Variants in MIER1 observed in about 807,000 individuals in gnomAD.
MIER1 encodes mesoderm induction early response protein 1.
MIER1 carries 40 observed loss-of-function variants against 75.7 expected under a neutral mutation model. The ratio of observed to expected loss-of-function variants is 0.53; its 90% CI spans 0.41 to 0.69. The LOEUF is 0.69. MIER1 is among the 30% of genes least tolerant of loss of function. The probability of loss-of-function intolerance (pLI) is 0.00; values close to 1 mark genes in which losing one functional copy is unlikely to be tolerated. For missense variants in MIER1, 574 were observed against 680.2 expected, an observed-to-expected ratio of 0.84 and a Z score of 1.74; for synonymous variants, 213 against 223.4, an observed-to-expected ratio of 0.95 and a Z score of 0.42.
chr1:66,939,128 A>G (rs1181304077), intron 2 of MIER1, among the ~76,000 whole-genome samples: 1 of 152,128 alleles, frequency 6.6e-6, no homozygotes, highest in South Asian at 2.1e-4. Context: ...GGCATGAAAT[A>G]GATACTTCTG....
chr1:66,929,928 A>G (rs944492417), intron 2 of MIER1, among the ~76,000 whole-genome samples: 3 of 152,206 alleles, frequency 2.0e-5, no homozygotes, highest in South Asian at 2.1e-4. Context: ...CATGTAAAAT[A>G]TTACGTATTT....
At chr1:66,933,147 C>T (rs928931050) in intron 2 of MIER1, among the ~76,000 whole-genome samples, 6 of 152,074 alleles carry the variant, frequency 3.9e-5, no homozygotes, top group South Asian at 4.1e-4. Flanking sequence ...TCTAAAAGGA[C>T]GCTCTCCTAG....
rs3008867 is a variant in MIER1, at chr1:66,939,963, C to T, written c.169-65C>T. The T allele has an allele frequency of 7.0e-4, 885 of 1,266,946 alleles. 3 individuals are homozygous for T. In the African/African-American group the frequency reaches 0.012, roughly 17 times the overall value. The allele number at this position is 1,266,946 out of a possible 1,614,324, so 78.5% of individuals were successfully genotyped here. The stretch of plus-strand genomic sequence containing the variant: ...CATCATAGTAGTCATTGAATAATTT[C>T]GGTAATGTTTGTGAAGATACATTAT... On this transcript the variant is annotated intron_variant, in intron 2 of 13. Coordinates refer to ENST00000401041, the MANE Select transcript of MIER1 (RefSeq NM_001077700.3).
chr1:66,934,405 C>CCT (rs1553239850), intron 2 of MIER1, among the ~76,000 whole-genome samples: 1 of 135,516 alleles, frequency 7.4e-6, no homozygotes, highest in Non-Finnish European at 1.6e-5. Flanking sequence ...TTCTTTCTTT[C>CCT]TTTTTTTTTT....
In MIER1 at chr1:66,986,233, A is replaced by G; in HGVS notation, c.*1333A>G. ...AGTGAAAATAAGATACACAATAATC[A>G]TTGCTCTGTGTGATTACAGATAGGA... is the stretch of plus-strand genomic sequence containing the variant. On this transcript the variant is annotated 3_prime_UTR_variant, in exon 14 of 14. Transcript: ENST00000401041. 3.8e-6 allele frequency: 5 copies of G among 1,322,102 alleles called. No individual in the cohort carries two copies. Among genetic ancestry groups the G allele is most frequent in the South Asian group, 2.3e-5 (1 of 43,706 alleles). 81.9% of individuals were successfully genotyped at this position (1,322,102 alleles called of 1,614,324 possible).
intron 8 of MIER1, among the ~76,000 whole-genome samples, chr1:66,964,335 A>G (rs1383841484): frequency 6.6e-6 from 1 of 151,810 alleles, no homozygotes; most frequent in Admixed American, 6.6e-5. Flanking sequence ...GGCCGCCCAT[A>G]GTGCTGGGAT....
intron 2 of MIER1, among the ~76,000 whole-genome samples, chr1:66,927,334 T>C (rs2100998434): frequency 6.6e-6 from 1 of 152,218 alleles, no homozygotes; most frequent in Non-Finnish European, 1.5e-5. Context: ...GGGACATTAA[T>C]CACAAACCTC....
At chr1:66,973,610 T>G (rs1664130922) in intron 11 of MIER1, among the ~76,000 whole-genome samples, 1 of 152,060 alleles carries the variant, frequency 6.6e-6, no homozygotes, top group Non-Finnish European at 1.5e-5. Context: ...CTTACAGATT[T>G]GTTTTGGGGC....
rs540629304 is a variant in MIER1 at position 66,968,920 on chromosome 1, G to A, written c.773-1888G>A. ...GTGAATAGGTGGGTGAATTATTTCC[G>A]AATTAGGGTTTCCTTATATGGCCTT... On this transcript the variant is annotated intron_variant, in intron 8 of 13. Coordinates refer to ENST00000401041, the MANE Select transcript of MIER1 (RefSeq NM_001077700.3). 2.8e-4 allele frequency among the ~76,000 whole-genome samples: 42 copies of A among 152,240 alleles called. 1 individual carries two copies. In the South Asian group the frequency reaches 8.3e-3, roughly 30 times the overall value.
At chr1:66,948,550 T>G (rs1055067452) in intron 4 of MIER1, among the ~76,000 whole-genome samples, 10 of 152,208 alleles carry the variant, frequency 6.6e-5, no homozygotes, top group African/African-American at 2.4e-4. Context: ...ATTTAATGTG[T>G]CAAAGGTGTA....
At chr1:66,942,693 A>G (rs899975997) in intron 3 of MIER1, among the ~76,000 whole-genome samples, 4 of 152,168 alleles carry the variant, frequency 2.6e-5, no homozygotes, top group African/African-American at 9.7e-5. Flanking sequence ...AAAAGAAGTC[A>G]GATAGAACAG....
intron 7 of MIER1, 63 bp from the exon 8 acceptor site, chr1:66,963,025 T>C (rs1661570230): frequency 8.6e-7 from 1 of 1,166,406 alleles, no homozygotes. Context: ...ATGGTAAGGC[T>C]AGAAAATGGA....
intron 4 of MIER1, among the ~76,000 whole-genome samples, chr1:66,955,516 T>C (rs771333934): frequency 6.6e-6 from 1 of 152,038 alleles, no homozygotes; most frequent in African/African-American, 2.4e-5. Context: ...GTTTGGTTGC[T>C]AATACACCTT....
intron 13 of MIER1, among the ~76,000 whole-genome samples, chr1:66,982,762 A>G (rs1252615315): frequency 6.6e-6 from 1 of 152,150 alleles, no homozygotes; most frequent in Admixed American, 6.5e-5. Flanking sequence ...TGGAGTGTAT[A>G]TGCTTAGTTC....
At position 66,988,371 on chromosome 1, in the gene MIER1, G is replaced by T. The variant is rs1667045053; in HGVS notation, c.*3471G>T. ...AGTTCATCCTTTGCAGAATCTTAAA[G>T]GGTTTTCCACACATCCATCCACCCA... On this transcript the variant is annotated 3_prime_UTR_variant, in exon 14 of 14. Coordinates refer to ENST00000401041, the MANE Select transcript of MIER1 (RefSeq NM_001077700.3). The T allele has an allele frequency of 6.6e-6, 1 of 151,958 alleles. No homozygotes were observed. The highest frequency in any genetic ancestry group is 1.5e-5 in the Non-Finnish European group (1 of 67,796). 9.4% of individuals were successfully genotyped at this position (151,958 alleles called of 1,614,324 possible). A position where few individuals can be genotyped will look rare whatever the true frequency, so the allele number is the denominator to read the frequency against.
At chr1:66,976,093 G>C (rs749019290) in intron 11 of MIER1, among the ~76,000 whole-genome samples, 1 of 151,574 alleles carries the variant, frequency 6.6e-6, no homozygotes, top group African/African-American at 2.4e-5. Context: ...CCCACCCCCT[G>C]CTGGGGTTCA....
At chr1:66,981,226 C>T (rs1422419211) in intron 12 of MIER1, among the ~76,000 whole-genome samples, 1 of 152,138 alleles carries the variant, frequency 6.6e-6, no homozygotes, top group East Asian at 1.9e-4. Flanking sequence ...AATGAGCTCA[C>T]ATACAATGAG....
chr1:66,936,400 G>A (rs1654848394), intron 2 of MIER1, among the ~76,000 whole-genome samples: 1 of 151,270 alleles, frequency 6.6e-6, no homozygotes, highest in Admixed American at 6.6e-5. Flanking sequence ...AAAAAAAAAA[G>A]TTTTTGTATT....
intron 4 of MIER1, among the ~76,000 whole-genome samples, chr1:66,953,081 G>C (rs1288637585): frequency 6.6e-6 from 1 of 152,198 alleles, no homozygotes; most frequent in Admixed American, 6.5e-5. Context: ...GGACAAGCTT[G>C]GGTCATGTGT....
Sources: gnomAD v4.1 joint callset for allele counts (sites outside exome capture counted in the v4.1 genomes callset) on GRCh38, gnomAD v4.1.1 for gene constraint, MANE v1.5 for transcripts, NCBI Gene and HGNC (gene_info 2026-07-23, HGNC 2026-07-21) for gene names.